Variants in BDH1 observed in about 807,000 individuals in gnomAD.
The protein encoded by BDH1 is D-beta-hydroxybutyrate dehydrogenase, mitochondrial.
In BDH1, 30 loss-of-function variants were observed where a neutral mutation model predicts 33.1. The ratio of observed to expected loss-of-function variants is 0.91; its 90% confidence interval spans 0.68 to 1.23. The LOEUF is 1.23. Ranked by LOEUF, BDH1 falls within the 50% of genes most tolerant of loss-of-function variation. BDH1 has a pLI of 0.00. For synonymous variants in BDH1, 190 were observed against 183.6 expected, an observed-to-expected ratio of 1.03 and a Z score of -0.28; for missense variants, 443 against 464.4, an observed-to-expected ratio of 0.95 and a Z score of 0.42.
At chr3:197,537,337 T>C (rs1163279593) in intron 3 of BDH1, among the ~76,000 whole-genome samples, 1 of 152,238 alleles carries the variant, frequency 6.6e-6, no homozygotes, top group Non-Finnish European at 1.5e-5. Context: ...ATTGCTAGTA[T>C]ACAGAAATGC....
In BDH1 at chr3:197,510,599, G is replaced by GGGT. The variant is rs1553865645; in HGVS notation, c.*1295_*1296insACC. 13 of 75,374 alleles carry GGGT rather than the reference G, an allele frequency of 1.7e-4. No individual in the cohort carries two copies. In the East Asian group the frequency reaches 2.4e-3, roughly 14 times the overall value. The allele number at this position is 75,374 out of a possible 1,614,324, so 4.7% of individuals were successfully genotyped here. On this transcript the variant is annotated 3_prime_UTR_variant, in exon 8 of 8. Transcript: ENST00000392379. ...CCACGCTGAAGCCCTGCAGAACAGG[G>GGGT]GTGTGTGTGTGTGTGTGTGTGTGTG...
At position 197,554,837 on chromosome 3, in the gene BDH1, G is replaced by C. The variant is rs1716871725; in HGVS notation, c.-195-124C>G. 6.6e-6 allele frequency: 1 copy of C among 152,276 alleles called. No homozygotes were observed. The highest frequency in any genetic ancestry group is 1.5e-5 in the Non-Finnish European group (1 of 68,078). The allele number at this position is 152,276 out of a possible 1,614,324, so 9.4% of individuals were successfully genotyped here. A position where few individuals can be genotyped will look rare whatever the true frequency, so the allele number is the denominator to read the frequency against. ...CACGCCCAAGGCGCCTGGGCCGCTA[G>C]GGACCGACCGGAGCGCTCAAACCCA... On this transcript the variant is annotated intron_variant, in intron 1 of 7. Transcript: ENST00000392379. The surrounding 1 kb of genome is among the most constrained non-coding windows in gnomAD (Gnocchi z 4.4).
rs552677783 is a variant in BDH1 at position 197,526,756 on chromosome 3, G to A, written c.268-3975C>T. ...TCTCCCGACCAGCTCTCCGTGCTCC[G>A]CTCCCAGACGAGCCACTCCTGTCTC... On this transcript the variant is annotated intron_variant, in intron 5 of 7. Transcript: ENST00000392379. The surrounding 1 kb of genome is among the most constrained non-coding windows in gnomAD (Gnocchi z 4.7). 1.1e-3 allele frequency among the ~76,000 whole-genome samples: 164 copies of A among 152,280 alleles called. No individual in the cohort carries two copies. Among genetic ancestry groups the A allele is most frequent in the South Asian group, 3.1e-3 (15 of 4,822 alleles).
upstream of BDH1, among the ~76,000 whole-genome samples, chr3:197,557,947 G>T (rs1404178705): frequency 2.6e-5 from 4 of 152,136 alleles, no homozygotes; most frequent in Non-Finnish European, 5.9e-5. This position sits in a 1 kb window ranked among gnomAD's most constrained non-coding sequence, Gnocchi z 4.6. Context: ...GTACCACAGG[G>T]TTAAAAATAA....
At chr3:197,563,689 C>T (rs1280562164) in intron 1 of BDH1, among the ~76,000 whole-genome samples, 1 of 152,084 alleles carries the variant, frequency 6.6e-6, no homozygotes, top group African/African-American at 2.4e-5. Context: ...TGTAAGAAAA[C>T]ATTCTTTTTA....
rs115558795 is a variant in BDH1 at position 197,528,509 on chromosome 3, T to C, written c.267+3903A>G. The C allele has an allele frequency of 1.3e-5, 2 of 152,162 alleles. No individual in the cohort carries two copies. The highest frequency in any genetic ancestry group is 6.5e-5 in the Admixed American group (1 of 15,274). The allele number at this position is 152,162 out of a possible 1,614,324, so 9.4% of individuals were successfully genotyped here. On this transcript the variant is annotated intron_variant, in intron 5 of 7. Coordinates refer to ENST00000392379, the MANE Select transcript of BDH1 (RefSeq NM_203314.3). The surrounding 1 kb of genome is among the most constrained non-coding windows in gnomAD (Gnocchi z 5.1). ...TAGGTACAGATGTAGCCGGAATCCA[T>C]CATGGGGCTAACACTACAGAATCGG...
chr3:197,519,741 G>A (rs546039305), intron 6 of BDH1, among the ~76,000 whole-genome samples: 2 of 152,154 alleles, frequency 1.3e-5, no homozygotes, highest in Admixed American at 6.5e-5. Context: ...CCATGCCCAC[G>A]GCCTGCTCTC....
chr3:197,530,331 CT>C (rs1714523540), intron 5 of BDH1: 1 of 152,138 alleles, frequency 6.6e-6, no homozygotes, highest in Non-Finnish European at 1.5e-5. Context: ...TATTTACACT[CT>C]GATCTAAGAG....
chr3:197,534,924 A>T (rs1278270281), intron 3 of BDH1, among the ~76,000 whole-genome samples: 2 of 152,226 alleles, frequency 1.3e-5, no homozygotes, highest in Non-Finnish European at 2.9e-5. Context: ...CTTACCAACA[A>T]CAGACTTATA....
At position 197,516,656 on chromosome 3, in the gene BDH1, G is replaced by T. The variant is rs1038274919; in HGVS notation, c.410-2240C>A. On this transcript the variant is annotated intron_variant, in intron 6 of 7. Coordinates refer to ENST00000392379, the MANE Select transcript of BDH1 (RefSeq NM_203314.3). This position sits in a 1 kb window ranked among gnomAD's most constrained non-coding sequence, Gnocchi z 4.2. ...CCACCTGAATGTCCCACGGGTCCCT[G>T]ACTCACCCTAACCACAACCAACACG... Among the ~76,000 whole-genome samples, 3 of 151,970 alleles carry T rather than the reference G, an allele frequency of 2.0e-5. No homozygotes were observed. The highest frequency in any genetic ancestry group is 4.4e-5 in the Non-Finnish European group (3 of 67,974).
Position 197,510,628 on chromosome 3 carries a change from G to C in BDH1, c.*1267C>G, listed in dbSNP as rs1711850505. On this transcript the variant is annotated 3_prime_UTR_variant, in exon 8 of 8. Transcript: ENST00000392379. ...TGTGTGTGTGTGTGTGTGTGTGTGT[G>C]TGTGTGTGTGTGTGTGTGTGTGTGT... 3.0e-5 allele frequency: 1 copy of C among 33,478 alleles called. No homozygotes were observed. The highest frequency in any genetic ancestry group is 2.2e-4 in the African/African-American group (1 of 4,596). 2.1% of individuals were successfully genotyped at this position (33,478 alleles called of 1,614,324 possible).
intron 3 of BDH1, among the ~76,000 whole-genome samples, chr3:197,536,452 T>C (rs898359590): frequency 2.0e-5 from 3 of 152,214 alleles, no homozygotes; most frequent in Non-Finnish European, 4.4e-5. Flanking sequence ...CATCTTTACT[T>C]TGTTGAGTCT....
intron 3 of BDH1, among the ~76,000 whole-genome samples, chr3:197,540,882 T>C (rs1210142665): frequency 6.6e-6 from 1 of 152,152 alleles, no homozygotes; most frequent in Non-Finnish European, 1.5e-5. Context: ...GAAGGTTCTA[T>C]CTCGACTCAC....
chr3:197,513,452 C>T (rs1221227475), intron 7 of BDH1, among the ~76,000 whole-genome samples: 1 of 134,972 alleles, frequency 7.4e-6, no homozygotes, highest in Admixed American at 7.3e-5. Context: ...GGTGTGCCCC[C>T]GGGAGGGCAC....
intron 5 of BDH1, chr3:197,530,554 C>T (rs1714547583): frequency 6.8e-6 from 1 of 147,918 alleles, no homozygotes; most frequent in African/African-American, 2.5e-5. Context: ...CCAGCCTGGG[C>T]AACAAGAGCA....
At chr3:197,566,605 A>T (rs1394481546) in intron 1 of BDH1, among the ~76,000 whole-genome samples, 1 of 152,250 alleles carries the variant, frequency 6.6e-6, no homozygotes, top group African/African-American at 2.4e-5. Context: ...TATACAAATA[A>T]TTAGGCCAAG....
intron 1 of BDH1, among the ~76,000 whole-genome samples, chr3:197,562,274 C>T (rs535756930): frequency 6.4e-4 from 98 of 152,258 alleles, no homozygotes; most frequent in African/African-American, 2.2e-3. Flanking sequence ...AATTCTAGTT[C>T]GGAGATGCAT....
rs1439970466 is a variant in BDH1, at chr3:197,510,396, C to CG, written c.*1498dup. On this transcript the variant is annotated 3_prime_UTR_variant, in exon 8 of 8. Coordinates refer to ENST00000392379, the MANE Select transcript of BDH1 (RefSeq NM_203314.3). ...AAGGCGGGCACTGGGGACCCTGCCCCGGGCCGAAAGCCCCCTGGAGGACAG... is the reference window on the plus strand; with the variant it reads ...AAGGCGGGCACTGGGGACCCTGCCCCGGGGCCGAAAGCCCCCTGGAGGACAG... 6.6e-6 allele frequency: 1 copy of CG among 152,218 alleles called. No individual in the cohort carries two copies. The highest frequency in any genetic ancestry group is 1.5e-5 in the Non-Finnish European group (1 of 68,076). The allele number at this position is 152,218 out of a possible 1,614,324, so 9.4% of individuals were successfully genotyped here. A position where few individuals can be genotyped will look rare whatever the true frequency, so the allele number is the denominator to read the frequency against.
At chr3:197,556,284 G>A (rs141890120), upstream of BDH1, among the ~76,000 whole-genome samples, 1 of 152,396 alleles carries the variant, frequency 6.6e-6, no homozygotes, top group Non-Finnish European at 1.5e-5. Flanking sequence ...AAACTCCGGT[G>A]AGGAAGAGGC....
Sources: gnomAD v4.1 joint callset for allele counts (sites outside exome capture counted in the v4.1 genomes callset) on GRCh38, gnomAD v4.1.1 for gene constraint, Gnocchi (gnomAD v3.1) non-coding constraint, MANE v1.5 for transcripts, NCBI Gene and HGNC (gene_info 2026-07-23, HGNC 2026-07-21) for gene names.